The following KCNJ6 variants were observed in gnomAD, a reference collection of about 807,000 sequenced individuals.
KCNJ6 encodes the protein potassium inwardly rectifying channel subfamily J member 6.
In KCNJ6, 9 loss-of-function variants were observed where a neutral mutation model predicts 34.2. The observed-to-expected ratio is 0.26, with a 90% CI of 0.16 to 0.46. The LOEUF is 0.46. Among genes scored for constraint, KCNJ6 ranks in the 20% least tolerant of loss-of-function variants. The probability of loss-of-function intolerance (pLI) is 1.00; values close to 1 mark genes in which losing one functional copy is unlikely to be tolerated. For synonymous variants in KCNJ6, 196 were observed against 207.1 expected (o/e 0.95, Z 0.46); for missense variants, 236 against 531.3 (o/e 0.44, Z 5.46).
intron 2 of KCNJ6, among the ~76,000 whole-genome samples, chr21:37,760,392 C>T (rs2123494004): frequency 6.6e-6 from 1 of 152,306 alleles, no homozygotes; most frequent in South Asian, 2.1e-4. Context: ...AGTCTGATTC[C>T]AGAGTCCACA....
At chr21:37,827,782 A>G (rs866636716) in intron 2 of KCNJ6, among the ~76,000 whole-genome samples, 25 of 152,144 alleles carry the variant, frequency 1.6e-4, no homozygotes, top group Admixed American at 1.5e-3. Context: ...CTTTCAGTGT[A>G]TCTGTTAGTT....
intron 1 of KCNJ6, among the ~76,000 whole-genome samples, chr21:37,904,740 T>C (rs1194426240): frequency 1.3e-5 from 2 of 152,198 alleles, no homozygotes; most frequent in Non-Finnish European, 2.9e-5. Context: ...CAGATATGGC[T>C]GAATGACTAG....
intron 2 of KCNJ6, among the ~76,000 whole-genome samples, chr21:37,814,136 C>T (rs2055335102): frequency 6.6e-6 from 1 of 152,118 alleles, no homozygotes; most frequent in Non-Finnish European, 1.5e-5. Flanking sequence ...ATACAAATGT[C>T]CAACAGGCAT....
At chr21:37,706,666 A>G (rs1234673146) in intron 3 of KCNJ6, among the ~76,000 whole-genome samples, 1 of 152,260 alleles carries the variant, frequency 6.6e-6, no homozygotes, top group Non-Finnish European at 1.5e-5. Flanking sequence ...CTGATATAGT[A>G]TCTATCATTC....
At chr21:37,902,139 T>C (rs1203701281) in intron 1 of KCNJ6, among the ~76,000 whole-genome samples, 3 of 152,236 alleles carry the variant, frequency 2.0e-5, no homozygotes, top group African/African-American at 7.2e-5. Context: ...GTTCTGAAGA[T>C]CTTTAAGGCA....
intron 1 of KCNJ6, among the ~76,000 whole-genome samples, chr21:37,854,731 A>G (rs550065711): frequency 7.6e-6 from 1 of 132,226 alleles, no homozygotes; most frequent in East Asian, 2.2e-4. Context: ...GTATGTATCT[A>G]TCAAAATATC....
At chr21:37,830,700 G>T (rs966987182) in intron 2 of KCNJ6, among the ~76,000 whole-genome samples, 1 of 152,156 alleles carries the variant, frequency 6.6e-6, no homozygotes. Flanking sequence ...AAGGTGAGGG[G>T]CAACGTGATC....
chr21:37,628,327 G>A (rs959289667), intron 3 of KCNJ6, among the ~76,000 whole-genome samples: 4 of 151,986 alleles, frequency 2.6e-5, no homozygotes, highest in African/African-American at 9.7e-5. Flanking sequence ...CCCAAATAAA[G>A]AATATCAATA....
rs377354413 is a variant in KCNJ6 at position 37,714,947 on chromosome 21, C to T, written c.210G>A (p.Val70=). The T allele has an allele frequency of 6.2e-7, 1 of 1,614,226 alleles. No homozygotes were observed. Among genetic ancestry groups the T allele is most frequent in the Non-Finnish European group, 8.5e-7 (1 of 1,180,046 alleles). The change falls in exon 3 of 4, where the codon GTG becomes GTA. Residue 70 remains valine (V), a synonymous_variant. Coordinates refer to ENST00000609713, the MANE Select transcript of KCNJ6 (RefSeq NM_002240.5). This position sits in a 1 kb window ranked among gnomAD's most constrained non-coding sequence, Gnocchi z 5.9. Reference sequence around the variant, plus strand: ...CGGTCAGGTAGCGATAGGTCTCCCTCACGTTGCCGTGATGAACATTGCACT... The same window carrying T: ...CGGTCAGGTAGCGATAGGTCTCCCTTACGTTGCCGTGATGAACATTGCACT... ...DGKCNVHHGN[V]RETYRYLTDI...
rs1054825480 is a variant in KCNJ6, at chr21:37,613,191, T to A, written c.*11968A>T. On this transcript the variant is annotated 3_prime_UTR_variant, in exon 4 of 4. Coordinates refer to ENST00000609713, the MANE Select transcript of KCNJ6 (RefSeq NM_002240.5). ...TGGAAAACAAGCATATAAAAATATGTCCCAAATCATGTCATTAGGGAATTG... is the reference window on the plus strand; with the variant it reads ...TGGAAAACAAGCATATAAAAATATGACCCAAATCATGTCATTAGGGAATTG... 6 of 152,120 alleles carry A rather than the reference T, an allele frequency of 3.9e-5. No individual in the cohort carries two copies. Among genetic ancestry groups the A allele is most frequent in the African/African-American group, 1.4e-4 (6 of 41,424 alleles). The allele number at this position is 152,120 out of a possible 1,614,324, so 9.4% of individuals were successfully genotyped here.
intron 1 of KCNJ6, among the ~76,000 whole-genome samples, chr21:37,863,715 C>T (rs371911103): frequency 6.6e-6 from 1 of 152,156 alleles, no homozygotes; most frequent in African/African-American, 2.4e-5. Context: ...CATCAACGCC[C>T]CACTTCTAAA....
chr21:37,615,980 G>A lies in KCNJ6; in HGVS notation c.*9179C>T, dbSNP rs1317372093. On this transcript the variant is annotated 3_prime_UTR_variant, in exon 4 of 4. Coordinates refer to ENST00000609713, the MANE Select transcript of KCNJ6 (RefSeq NM_002240.5). ...AGTGCATCCCATCTTAGGAAGAAAG[G>A]ATGGGAATACCCCAGACCTGGCGTG... The A allele has an allele frequency of 6.6e-6, 1 of 152,240 alleles. No individual in the cohort carries two copies. The highest frequency in any genetic ancestry group is 1.9e-4 in the East Asian group (1 of 5,180). The allele number at this position is 152,240 out of a possible 1,614,324, so 9.4% of individuals were successfully genotyped here.
In KCNJ6 at chr21:37,686,436, C is replaced by CGTGG. The variant is rs567492552; in HGVS notation, c.946+27774_946+27775insCCAC. Among the ~76,000 whole-genome samples the CGTGG allele has an allele frequency of 3.9e-3, 579 of 148,730 alleles. 2 individuals are homozygous for CGTGG. Among genetic ancestry groups the CGTGG allele is most frequent in the Middle Eastern group, 0.014 (4 of 282 alleles). On this transcript the variant is annotated intron_variant, in intron 3 of 3. Coordinates refer to ENST00000609713, the MANE Select transcript of KCNJ6 (RefSeq NM_002240.5). ...TGGTGTTTATAGTTTGCAACCTCCA[C>CGTGG]GCATTCACTCTCCCGGGTGAAGTCT...
intron 2 of KCNJ6, among the ~76,000 whole-genome samples, chr21:37,803,550 T>C (rs1475849376): frequency 1.3e-5 from 2 of 152,116 alleles, no homozygotes; most frequent in African/African-American, 2.4e-5. Flanking sequence ...TGTTGGACAG[T>C]ATTTCACCGT....
At chr21:37,803,928 T>G (rs957936909) in intron 2 of KCNJ6, among the ~76,000 whole-genome samples, 2 of 152,184 alleles carry the variant, frequency 1.3e-5, no homozygotes, top group East Asian at 3.8e-4. Context: ...GGAAAGCTTT[T>G]GCTGATGTTG....
At chr21:37,832,769 C>G (rs925064046) in intron 2 of KCNJ6, among the ~76,000 whole-genome samples, 1 of 152,108 alleles carries the variant, frequency 6.6e-6, no homozygotes, top group Admixed American at 6.5e-5. Context: ...GGGGGCTCCA[C>G]TGGGAGCCTG....
chr21:37,607,879 A>G lies in KCNJ6; in HGVS notation c.*17280T>C, dbSNP rs1469920200. ...TATGTTATATTTCTTAATATCCCTA[A>G]GTCCCTTCTAAAATAAACTCTTGTT... On this transcript the variant is annotated 3_prime_UTR_variant, in exon 4 of 4. Coordinates refer to ENST00000609713, the MANE Select transcript of KCNJ6 (RefSeq NM_002240.5). 6.6e-6 allele frequency: 1 copy of G among 152,194 alleles called. No individual in the cohort carries two copies. The allele number at this position is 152,194 out of a possible 1,614,324, so 9.4% of individuals were successfully genotyped here.
intron 2 of KCNJ6, among the ~76,000 whole-genome samples, chr21:37,735,233 T>A (rs1483654350): frequency 2.0e-5 from 3 of 152,146 alleles, no homozygotes; most frequent in African/African-American, 7.2e-5. Flanking sequence ...GAGGTTAGCT[T>A]AGACTCTGTT....
chr21:37,901,537 T>C (rs552281518), intron 1 of KCNJ6, among the ~76,000 whole-genome samples: 1 of 152,334 alleles, frequency 6.6e-6, no homozygotes, highest in South Asian at 2.1e-4. Flanking sequence ...CGTAAAACTT[T>C]GATGATTGAG....
Sources: gnomAD v4.1 joint callset for allele counts (sites outside exome capture counted in the v4.1 genomes callset) on GRCh38, gnomAD v4.1.1 for gene constraint, Gnocchi (gnomAD v3.1) non-coding constraint, MANE v1.5 for transcripts, NCBI Gene and HGNC (gene_info 2026-07-23, HGNC 2026-07-21) for gene names.